Variants in PHIP observed in about 807,000 individuals in gnomAD.
The protein encoded by PHIP is PHIP subunit of CUL4-Ring ligase complex, also known as PH-interacting protein.
PHIP carries 54 observed loss-of-function variants against 236.8 expected under a neutral mutation model. The ratio of observed to expected loss-of-function variants is 0.23; its 90% CI spans 0.18 to 0.29. PHIP has a LOEUF of 0.29. Among genes scored for constraint, PHIP ranks in the 10% least tolerant of loss-of-function variants. The pLI, the probability that PHIP is intolerant of heterozygous loss-of-function variation, is 1.00. For missense variants in PHIP, 1,370 were observed against 2,190.8 expected, an observed-to-expected ratio of 0.63 and a Z score of 7.48; for synonymous variants, 756 against 718.9, an observed-to-expected ratio of 1.05 and a Z score of -0.83.
chr6:78,975,632 C>T (rs1767997418), intron 24 of PHIP, among the ~76,000 whole-genome samples: 1 of 152,174 alleles, frequency 6.6e-6, no homozygotes, highest in Non-Finnish European at 1.5e-5. Flanking sequence ...ACCCCACTGT[C>T]TCAGCCCAAA....
At chr6:79,070,484 T>C (rs1773829270) in intron 4 of PHIP, among the ~76,000 whole-genome samples, 1 of 152,246 alleles carries the variant, frequency 6.6e-6, no homozygotes, top group Non-Finnish European at 1.5e-5. Flanking sequence ...TTAGTGTCTC[T>C]ACACCCAAAA....
rs1302179739 is a variant in PHIP, at chr6:78,953,844, C to T, written c.4053+970G>A. ...CAGGTGATCCGCCTGCCTTGGCTTCCCAAAGTGCTGGGATTACAGGTGTAA... is the reference window on the plus strand; with the variant it reads ...CAGGTGATCCGCCTGCCTTGGCTTCTCAAAGTGCTGGGATTACAGGTGTAA... On this transcript the variant is annotated intron_variant, in intron 35 of 39. Coordinates refer to ENST00000275034, the MANE Select transcript of PHIP (RefSeq NM_017934.7). Among the ~76,000 whole-genome samples, 32 of 152,042 alleles carry T rather than the reference C, an allele frequency of 2.1e-4. 1 individual carries two copies. The highest frequency in any genetic ancestry group is 2.1e-3 in the Admixed American group (32 of 15,270).
At chr6:79,020,366 T>A (rs1331552849) in intron 9 of PHIP, among the ~76,000 whole-genome samples, 2 of 152,190 alleles carry the variant, frequency 1.3e-5, no homozygotes, top group Non-Finnish European at 2.9e-5. Context: ...ATTCACAGGC[T>A]CTAATGTAAC....
intron 4 of PHIP, among the ~76,000 whole-genome samples, chr6:79,065,336 T>A (rs1773571934): frequency 6.6e-6 from 1 of 152,204 alleles, no homozygotes; most frequent in Non-Finnish European, 1.5e-5. Context: ...ACTTGGTCTA[T>A]CAGCCCAGAA....
chr6:79,071,339 ATT>A (rs1226617210), intron 4 of PHIP, among the ~76,000 whole-genome samples: 1 of 152,176 alleles, frequency 6.6e-6, no homozygotes, highest in African/African-American at 2.4e-5. Flanking sequence ...ATTTTCACCA[ATT>A]TGTTATAAAA....
chr6:78,973,729 T>C (rs1767802939), intron 24 of PHIP, among the ~76,000 whole-genome samples: 1 of 151,850 alleles, frequency 6.6e-6, no homozygotes. Flanking sequence ...GTTGCAATCC[T>C]AGTCTGATAA....
chr6:78,997,354 T>G, intron 19 of PHIP, 60 bp downstream of exon 19: 5 of 1,441,382 alleles, frequency 3.5e-6, no homozygotes, highest in Non-Finnish European at 4.8e-6. Context: ...CTGTGAATGC[T>G]GTTAACTCCA....
At chr6:78,997,894 CA>C (rs1300405467) in intron 18 of PHIP, among the ~76,000 whole-genome samples, 7 of 152,126 alleles carry the variant, frequency 4.6e-5, no homozygotes, top group African/African-American at 1.7e-4. Context: ...TCATAAGAAG[CA>C]AACTAGACAA....
intron 4 of PHIP, among the ~76,000 whole-genome samples, chr6:79,065,019 G>C (rs1024036465): frequency 5.9e-5 from 9 of 152,086 alleles, no homozygotes; most frequent in Non-Finnish European, 1.3e-4. Flanking sequence ...AGAAACCAAG[G>C]AGCTGCATTT....
In PHIP at chr6:78,940,634, T is replaced by C. The variant is rs1318647342; in HGVS notation, c.*59A>G. 46 of 1,051,748 alleles carry C rather than the reference T, an allele frequency of 4.4e-5. No individual in the cohort carries two copies. Among genetic ancestry groups the C allele is most frequent in the Middle Eastern group, 6.2e-4 (2 of 3,214 alleles). The allele number at this position is 1,051,748 out of a possible 1,614,324, so 65.2% of individuals were successfully genotyped here. A position where few individuals can be genotyped will look rare whatever the true frequency, so the allele number is the denominator to read the frequency against. On this transcript the variant is annotated 3_prime_UTR_variant, in exon 40 of 40. Transcript: ENST00000275034. ...AGCAAGGAAGCAGAAGCCTTAGTTCTACTTATTCCTTAACTGTACCTGCTT... is the reference window on the plus strand; with the variant it reads ...AGCAAGGAAGCAGAAGCCTTAGTTCCACTTATTCCTTAACTGTACCTGCTT...
chr6:78,945,559 G>A (rs1157765288), intron 38 of PHIP, 62 bp from the exon 39 acceptor site: 12 of 1,033,958 alleles, frequency 1.2e-5, no homozygotes, highest in Non-Finnish European at 1.5e-6. Flanking sequence ...AAGAAAAAAG[G>A]TTAACCTGAA....
At chr6:79,071,462 T>C (rs1166570498) in intron 4 of PHIP, among the ~76,000 whole-genome samples, 1 of 152,182 alleles carries the variant, frequency 6.6e-6, no homozygotes, top group East Asian at 1.9e-4. Flanking sequence ...CAAAAAATAA[T>C]AGAAACTGAG....
At chr6:79,049,165 C>T (rs899096351) in intron 6 of PHIP, among the ~76,000 whole-genome samples, 2 of 151,640 alleles carry the variant, frequency 1.3e-5, no homozygotes, top group East Asian at 1.9e-4. Context: ...TGGGTTCAAG[C>T]GATTCTCATG....
intron 29 of PHIP, among the ~76,000 whole-genome samples, chr6:78,965,196 T>C (rs1276524043): frequency 6.6e-6 from 1 of 152,234 alleles, no homozygotes; most frequent in East Asian, 1.9e-4. Flanking sequence ...CACATGATGC[T>C]ATTTAATCTT....
chr6:79,075,589 AAAATT>A (rs1227095379), intron 4 of PHIP, among the ~76,000 whole-genome samples: 1 of 89,804 alleles, frequency 1.1e-5, no homozygotes, highest in Non-Finnish European at 2.2e-5. Context: ...CCTCCCCCCA[AAAATT>A]AAATTAACTC....
At chr6:79,042,762 G>A in intron 7 of PHIP, 81 bp downstream of exon 7, 1 of 1,039,944 alleles carries the variant, frequency 9.6e-7, no homozygotes, top group East Asian at 3.0e-5. Flanking sequence ...AAAAAAGCAA[G>A]GTTTTACTTC....
chr6:78,997,853 T>TA (rs201919893), intron 18 of PHIP, among the ~76,000 whole-genome samples: 2,527 of 152,176 alleles, frequency 0.017, 67 homozygotes, highest in African/African-American at 0.057. Context: ...ATCATTACTT[T>TA]AAAAAAATGC....
At chr6:79,007,407 G>C (rs1211060947) in intron 15 of PHIP, among the ~76,000 whole-genome samples, 1 of 152,162 alleles carries the variant, frequency 6.6e-6, no homozygotes, top group Non-Finnish European at 1.5e-5. Context: ...CTGAGGTTCT[G>C]AAAGGTATGT....
chr6:79,033,362 T>A (rs1771766597), intron 7 of PHIP, among the ~76,000 whole-genome samples: 1 of 152,254 alleles, frequency 6.6e-6, no homozygotes, highest in Non-Finnish European at 1.5e-5. Context: ...ATTTTTCCAA[T>A]ACACAGCTGT....
Sources: allele counts gnomAD v4.1 joint callset (sites outside exome capture counted in the v4.1 genomes callset), GRCh38; gene constraint gnomAD v4.1.1; transcripts MANE v1.5; gene names NCBI Gene and HGNC (gene_info 2026-07-23, HGNC 2026-07-21).